The following ZNF280D variants were observed in gnomAD, a reference collection of about 807,000 sequenced individuals.
ZNF280D encodes the protein zinc finger protein 280D, also known as suppressor of hairy wing homolog 4.
In ZNF280D, 39 loss-of-function variants were observed where a neutral mutation model predicts 94.7. The ratio of observed to expected loss-of-function variants is 0.41; its 90% CI spans 0.32 to 0.54. The LOEUF (loss-of-function observed/expected upper bound fraction) is 0.54. Ranked by LOEUF, ZNF280D falls within the 20% of genes least tolerant of loss-of-function variation. The probability of loss-of-function intolerance (pLI) is 0.22; values close to 1 mark genes in which losing one functional copy is unlikely to be tolerated. For missense variants in ZNF280D, 1,090 were observed against 1,149.3 expected (o/e 0.95, Z 0.75); for synonymous variants, 398 against 377.6 (o/e 1.05, Z -0.63).
chr15:56,639,945 C>A (rs2052543873), intron 20 of ZNF280D, among the ~76,000 whole-genome samples: 1 of 152,000 alleles, frequency 6.6e-6, no homozygotes, highest in Non-Finnish European at 1.5e-5. Context: ...GATCTTCAGA[C>A]CCCTTCACTC....
intron 19 of ZNF280D, chr15:56,653,516 C>T: frequency 6.6e-7 from 1 of 1,519,332 alleles, no homozygotes; most frequent in Non-Finnish European, 8.8e-7. Flanking sequence ...AAAGAGAGAA[C>T]AGGCATCAGT....
intron 1 of ZNF280D, among the ~76,000 whole-genome samples, chr15:56,720,970 T>TG (rs58898538): frequency 0.029 from 771 of 26,442 alleles, 15 homozygotes; most frequent in East Asian, 0.11. Context: ...GCATTTTTTT[T>TG]GGGGGGGGGG....
chr15:56,631,663 C>T lies in ZNF280D; in HGVS notation c.2775G>A (p.Glu925=). The change falls in exon 22 of 22, where the codon GAG becomes GAA. Residue 925 remains glutamate (E), a synonymous_variant. Coordinates refer to ENST00000267807, the MANE Select transcript of ZNF280D (RefSeq NM_017661.4). ...TCTCTGTGGCTTCATACTCAAGTAC[C>T]TCGGATGGAGTCAGAGGTTCCAAAT... ...SIHLEPLTPS[E]VLEYEATEIL... is the part of the protein sequence containing the mutation. 6.2e-7 allele frequency: 1 copy of T among 1,614,142 alleles called. No individual in the cohort carries two copies. The highest frequency in any genetic ancestry group is 8.5e-7 in the Non-Finnish European group (1 of 1,180,014).
intron 9 of ZNF280D, among the ~76,000 whole-genome samples, chr15:56,684,578 T>C (rs1477500125): frequency 1.4e-5 from 2 of 148,014 alleles, no homozygotes; most frequent in African/African-American, 5.0e-5. Context: ...TAGGAAGGAA[T>C]ACAGTGGTGA....
chr15:56,709,537 T>C (rs1423862497), intron 1 of ZNF280D, among the ~76,000 whole-genome samples: 4 of 152,136 alleles, frequency 2.6e-5, no homozygotes, highest in Non-Finnish European at 5.9e-5. Flanking sequence ...ATAAATCATG[T>C]TGCTATAAAG....
At chr15:56,658,317 A>C (rs1437937281) in intron 17 of ZNF280D, 107 bp downstream of exon 17, 2 of 766,774 alleles carry the variant, frequency 2.6e-6, no homozygotes, top group Non-Finnish European at 4.3e-6. Flanking sequence ...ATAAACACAT[A>C]AATTGTATGG....
intron 19 of ZNF280D, among the ~76,000 whole-genome samples, chr15:56,651,865 T>C (rs1225764225): frequency 6.6e-6 from 1 of 152,218 alleles, no homozygotes; most frequent in African/African-American, 2.4e-5. Flanking sequence ...GGATTGACTG[T>C]ACTCCTACAT....
chr15:56,667,035 A>T (rs1300579043), intron 14 of ZNF280D, 49 bp from the exon 15 acceptor site: 39 of 1,299,446 alleles, frequency 3.0e-5, no homozygotes, highest in Non-Finnish European at 3.6e-5. Flanking sequence ...TCAGTACATT[A>T]ATATTAAAAT....
intron 13 of ZNF280D, among the ~76,000 whole-genome samples, chr15:56,672,895 G>A (rs1214821078): frequency 6.6e-6 from 1 of 151,666 alleles, no homozygotes; most frequent in Non-Finnish European, 1.5e-5. Context: ...AGGCTGGAAT[G>A]CTGTGGTGCA....
At chr15:56,721,979 G>A (rs572497020) in intron 1 of ZNF280D, among the ~76,000 whole-genome samples, 1 of 152,286 alleles carries the variant, frequency 6.6e-6, no homozygotes, top group African/African-American at 2.4e-5. Flanking sequence ...TTTATTTAAA[G>A]TGAGAGATGT....
chr15:56,685,728 A>C (rs1449998262), intron 9 of ZNF280D, among the ~76,000 whole-genome samples: 1 of 152,192 alleles, frequency 6.6e-6, no homozygotes, highest in Non-Finnish European at 1.5e-5. Flanking sequence ...TAAAATTAGA[A>C]ACATAATCAG....
intron 1 of ZNF280D, 145 bp from the exon 2 acceptor site, chr15:56,707,451 C>A: frequency 2.3e-6 from 1 of 435,966 alleles, no homozygotes; most frequent in Non-Finnish European, 3.7e-6. Context: ...TGGTTCATTC[C>A]TGAATAAACC....
At chr15:56,654,568 A>C in intron 17 of ZNF280D, 65 bp from the exon 18 acceptor site, 1 of 1,452,924 alleles carries the variant, frequency 6.9e-7, no homozygotes, top group East Asian at 2.3e-5. Context: ...AAGTTTGATG[A>C]TTATTTTTCC....
At chr15:56,685,392 C>T (rs1285084089) in intron 9 of ZNF280D, among the ~76,000 whole-genome samples, 1 of 147,750 alleles carries the variant, frequency 6.8e-6, no homozygotes, top group Non-Finnish European at 1.5e-5. Flanking sequence ...GTCATATGCC[C>T]TGACAATGGA....
intron 6 of ZNF280D, chr15:56,700,516 GT>G (rs758468605): frequency 4.6e-5 from 46 of 1,007,592 alleles, no homozygotes; most frequent in East Asian, 2.7e-4. Context: ...AAAAATGTTT[GT>G]TTTTTTTTAA....
At chr15:56,701,299 T>G (rs181737913) in intron 4 of ZNF280D, 61 bp from the exon 5 acceptor site, 3 of 1,156,980 alleles carry the variant, frequency 2.6e-6, no homozygotes, top group Non-Finnish European at 3.7e-6. Context: ...ATTAAGATAA[T>G]AGAAATCATG....
chr15:56,650,214 G>A (rs773581989), intron 19 of ZNF280D, among the ~76,000 whole-genome samples: 4 of 152,014 alleles, frequency 2.6e-5, no homozygotes, highest in Non-Finnish European at 4.4e-5. Context: ...AATGTTCAGT[G>A]ACAAAGAATA....
intron 20 of ZNF280D, among the ~76,000 whole-genome samples, chr15:56,636,472 T>C (rs2052355247): frequency 6.8e-6 from 1 of 147,660 alleles, no homozygotes; most frequent in Admixed American, 6.9e-5. Flanking sequence ...AAAACTTAAC[T>C]TCCTTCCTTC....
chr15:56,728,142 G>C (rs1368171366), intron 1 of ZNF280D, among the ~76,000 whole-genome samples: 1 of 151,912 alleles, frequency 6.6e-6, no homozygotes, highest in Non-Finnish European at 1.5e-5. Flanking sequence ...TCCCACCTCA[G>C]CCTCCCAAGT....
Sources: allele counts gnomAD v4.1 joint callset (sites outside exome capture counted in the v4.1 genomes callset), GRCh38; gene constraint gnomAD v4.1.1; transcripts MANE v1.5; gene names NCBI Gene and HGNC (gene_info 2026-07-23, HGNC 2026-07-21).